Variants in PTPRD observed in about 807,000 individuals in gnomAD.
PTPRD encodes the protein receptor-type tyrosine-protein phosphatase delta.
Under a neutral mutation model 214.5 loss-of-function variants are expected in PTPRD, and 34 were observed. The observed-to-expected ratio is 0.16, with a 90% CI of 0.12 to 0.21. The LOEUF (loss-of-function observed/expected upper bound fraction) is 0.21, where lower values mean the gene tolerates loss of function less well. Among genes scored for constraint, PTPRD ranks in the 10% least tolerant of loss-of-function variants. The pLI is 1.00. For synonymous variants in PTPRD, 1,128 were observed against 845.7 expected (o/e 1.33, Z -5.79); for missense variants, 2,545 against 2,398.7 (o/e 1.06, Z -1.27).
chr9:8,787,280 A>G (rs1448504708), intron 11 of PTPRD, among the ~76,000 whole-genome samples: 2 of 152,158 alleles, frequency 1.3e-5, no homozygotes, highest in Non-Finnish European at 1.5e-5. Context: ...TTCTAGCTTT[A>G]CTCAGCTTCT....
intron 2 of PTPRD, among the ~76,000 whole-genome samples, chr9:10,444,289 T>C (rs1312314417): frequency 2.0e-5 from 3 of 151,872 alleles, no homozygotes; most frequent in Non-Finnish European, 4.4e-5. Context: ...AAATAGACAA[T>C]ATCTAAATTT....
At chr9:9,065,404 G>A (rs1282078433) in intron 10 of PTPRD, among the ~76,000 whole-genome samples, 1 of 152,146 alleles carries the variant, frequency 6.6e-6, no homozygotes, top group Non-Finnish European at 1.5e-5. Flanking sequence ...TAGGCAAGGA[G>A]GCTGGACTGT....
At chr9:10,370,352 A>C (rs2097585948) in intron 2 of PTPRD, among the ~76,000 whole-genome samples, 1 of 152,090 alleles carries the variant, frequency 6.6e-6, no homozygotes, top group Non-Finnish European at 1.5e-5. Flanking sequence ...GAGTGACTGC[A>C]TTAATTTAAT....
chr9:9,696,903 G>C (rs944493936), intron 7 of PTPRD, among the ~76,000 whole-genome samples: 3 of 151,936 alleles, frequency 2.0e-5, no homozygotes, highest in Non-Finnish European at 4.4e-5. Flanking sequence ...GTGGTTAAGT[G>C]ATTTTCTCTG....
intron 10 of PTPRD, among the ~76,000 whole-genome samples, chr9:9,024,171 T>C (rs903788887): frequency 6.6e-6 from 1 of 151,838 alleles, no homozygotes; most frequent in African/African-American, 2.4e-5. Context: ...TATAAGTTCA[T>C]TAATAGTGCT....
chr9:10,394,468 T>C (rs939231570), intron 2 of PTPRD, among the ~76,000 whole-genome samples: 6 of 151,720 alleles, frequency 4.0e-5, no homozygotes, highest in Non-Finnish European at 7.4e-5. Context: ...AGTATGATCT[T>C]AGCAAAATTT....
intron 2 of PTPRD, among the ~76,000 whole-genome samples, chr9:10,546,095 A>G (rs1035563237): frequency 1.3e-5 from 2 of 152,174 alleles, no homozygotes; most frequent in African/African-American, 4.8e-5. Context: ...ACCAGTAATT[A>G]TAAATATCCC....
intron 2 of PTPRD, among the ~76,000 whole-genome samples, chr9:10,390,491 G>T (rs75433739): frequency 6.6e-6 from 1 of 151,752 alleles, no homozygotes; most frequent in South Asian, 2.1e-4. Flanking sequence ...TTCTGCCCAC[G>T]AGTTTGCAGT....
intron 10 of PTPRD, among the ~76,000 whole-genome samples, chr9:9,123,544 A>AT (rs529589369): frequency 4.5e-4 from 68 of 150,340 alleles, no homozygotes; most frequent in East Asian, 2.1e-3. Context: ...ACAGAGAAAC[A>AT]TTTTTTTTTT....
At chr9:9,141,170 T>TTC (rs147067993) in intron 10 of PTPRD, among the ~76,000 whole-genome samples, 7 of 137,192 alleles carry the variant, frequency 5.1e-5, no homozygotes, top group Non-Finnish European at 7.9e-5. Context: ...TCCCCTCCTC[T>TTC]TCTCTCTCTC....
chr9:8,932,400 CTTCAT>C (rs1177925975), intron 11 of PTPRD, among the ~76,000 whole-genome samples: 4 of 152,122 alleles, frequency 2.6e-5, no homozygotes, highest in African/African-American at 9.7e-5. Flanking sequence ...TTGTTTCTGC[CTTCAT>C]TTCATTATTT....
intron 14 of PTPRD, among the ~76,000 whole-genome samples, chr9:8,543,346 C>T (rs545622362): frequency 6.6e-6 from 1 of 152,190 alleles, no homozygotes; most frequent in Non-Finnish European, 1.5e-5. Context: ...GGCATAGCAA[C>T]ATGACATAAT....
At chr9:10,336,419 G>A (rs890375211) in intron 3 of PTPRD, among the ~76,000 whole-genome samples, 2 of 151,482 alleles carry the variant, frequency 1.3e-5, no homozygotes, top group African/African-American at 4.8e-5. Context: ...AGTTTTTTGT[G>A]GGCCAGAAAA....
intron 9 of PTPRD, among the ~76,000 whole-genome samples, chr9:9,396,516 A>G (rs946704948): frequency 3.9e-5 from 6 of 151,988 alleles, no homozygotes; most frequent in African/African-American, 1.4e-4. Flanking sequence ...CACACCACAT[A>G]CAGCATCCCA....
At chr9:8,930,181 A>G (rs2098942261) in intron 11 of PTPRD, among the ~76,000 whole-genome samples, 1 of 150,146 alleles carries the variant, frequency 6.7e-6, no homozygotes, top group African/African-American at 2.5e-5. Context: ...TTATTGTTCA[A>G]TTCCCACCTA....
intron 21 of PTPRD, among the ~76,000 whole-genome samples, chr9:8,508,184 C>A (rs2097579862): frequency 1.3e-5 from 2 of 152,158 alleles, no homozygotes; most frequent in Admixed American, 1.3e-4. Flanking sequence ...TTAAAGAGAT[C>A]ATCTATAATT....
At chr9:8,456,786 T>C (rs1016547965) in intron 33 of PTPRD, among the ~76,000 whole-genome samples, 1 of 152,070 alleles carries the variant, frequency 6.6e-6, no homozygotes, top group African/African-American at 2.4e-5. Flanking sequence ...GGCTAGATTA[T>C]TACCATTCAA....
At chr9:8,780,053 C>T (rs905735891) in intron 11 of PTPRD, among the ~76,000 whole-genome samples, 5 of 152,192 alleles carry the variant, frequency 3.3e-5, no homozygotes, top group African/African-American at 1.2e-4. Flanking sequence ...AAGTCATAAG[C>T]CCTCAGTGCT....
chr9:10,540,553 A>T (rs1380249139), intron 2 of PTPRD, among the ~76,000 whole-genome samples: 3 of 152,170 alleles, frequency 2.0e-5, no homozygotes, highest in South Asian at 2.1e-4. Context: ...ATTTCTGAAA[A>T]TATCTCATTT....
Sources: gnomAD v4.1 joint callset for allele counts (sites outside exome capture counted in the v4.1 genomes callset) on GRCh38, gnomAD v4.1.1 for gene constraint, MANE v1.5 for transcripts, NCBI Gene and HGNC (gene_info 2026-07-23, HGNC 2026-07-21) for gene names.